The following NUBPL variants were observed in gnomAD, a reference collection of about 807,000 sequenced individuals.
The protein encoded by NUBPL is iron-sulfur cluster transfer protein NUBPL.
A neutral mutation model predicts 45.7 loss-of-function variants in NUBPL; 31 were observed. That is an observed-to-expected ratio of 0.68 (90% CI 0.51 to 0.92). The LOEUF (loss-of-function observed/expected upper bound fraction) is 0.92. Ranked by LOEUF, NUBPL falls within the 40% of genes least tolerant of loss-of-function variation. The pLI is 0.00. For missense variants in NUBPL, 401 were observed against 398.7 expected, an observed-to-expected ratio of 1.01 and a Z score of -0.05; for synonymous variants, 144 against 140.9, an observed-to-expected ratio of 1.02 and a Z score of -0.15.
intron 4 of NUBPL, among the ~76,000 whole-genome samples, chr14:31,644,829 G>A (rs1043717904): frequency 6.6e-6 from 1 of 151,844 alleles, no homozygotes; most frequent in Non-Finnish European, 1.5e-5. Flanking sequence ...TTGGGTACTG[G>A]GTATTGGATG....
In NUBPL at chr14:31,672,964, C is replaced by T. The variant is rs181186440; in HGVS notation, c.383-391C>T. Among the ~76,000 whole-genome samples, 319 of 152,140 alleles carry T rather than the reference C, an allele frequency of 2.1e-3. 1 individual carries two copies. The highest frequency in any genetic ancestry group is 7.3e-3 in the African/African-American group (304 of 41,510). On this transcript the variant is annotated intron_variant, in intron 4 of 10. Coordinates refer to ENST00000281081, the MANE Select transcript of NUBPL (RefSeq NM_025152.3). ...CTTTGATCCTGGAAGGATGGACGGG[C>T]AAAGGGGAGATGTTAGTCAAGTAGT...
At chr14:31,633,288 T>C (rs2035393112) in intron 4 of NUBPL, among the ~76,000 whole-genome samples, 1 of 152,232 alleles carries the variant, frequency 6.6e-6, no homozygotes, top group African/African-American at 2.4e-5. Flanking sequence ...GCAGTGGTGC[T>C]GTTACCACAC....
At chr14:31,832,753 G>A (rs904956409) in intron 8 of NUBPL, among the ~76,000 whole-genome samples, 1 of 152,182 alleles carries the variant, frequency 6.6e-6, no homozygotes, top group African/African-American at 2.4e-5. Context: ...TGAAGAGCAT[G>A]AGCTGAGGAG....
At position 31,606,096 on chromosome 14, in the gene NUBPL, TTTC is replaced by T. The variant is rs768893055; in HGVS notation, c.382+6720_382+6722del. On this transcript the variant is annotated intron_variant, in intron 4 of 10. Transcript: ENST00000281081. ...TCCTTCATCTTCCTTTTTCTTTTCT[TTTC>T]TTTTTTTTTTTTTTTTGAGAGTATC... 2.3e-3 allele frequency among the ~76,000 whole-genome samples: 276 copies of T among 121,950 alleles called. 1 individual carries two copies. The highest frequency in any genetic ancestry group is 6.7e-3 in the African/African-American group (245 of 36,746). 80.0% of individuals were successfully genotyped at this position (121,950 alleles called of 152,430 possible). A position where few individuals can be genotyped will look rare whatever the true frequency, so the allele number is the denominator to read the frequency against.
intron 6 of NUBPL, among the ~76,000 whole-genome samples, chr14:31,732,435 T>A (rs1468321806): frequency 1.3e-5 from 2 of 152,040 alleles, no homozygotes; most frequent in Admixed American, 1.3e-4. Context: ...ATATTCTGAA[T>A]TTTAAAAAAT....
intron 4 of NUBPL, among the ~76,000 whole-genome samples, chr14:31,635,268 A>G (rs1430104029): frequency 3.3e-5 from 5 of 152,168 alleles, no homozygotes; most frequent in Non-Finnish European, 7.3e-5. Context: ...ATTTTTGTGT[A>G]AGGTGTAAGG....
chr14:31,817,629 C>A (rs2039943908), intron 7 of NUBPL, among the ~76,000 whole-genome samples: 1 of 148,698 alleles, frequency 6.7e-6, no homozygotes, highest in South Asian at 2.1e-4. Flanking sequence ...AGACAAGCAT[C>A]CAGGCCTGCC....
chr14:31,850,719 C>T (rs2139004555), intron 10 of NUBPL, among the ~76,000 whole-genome samples: 1 of 152,190 alleles, frequency 6.6e-6, no homozygotes, highest in African/African-American at 2.4e-5. Context: ...TTCCCATGCT[C>T]AAGCAATCTT....
At chr14:31,715,295 G>C (rs984312820) in intron 6 of NUBPL, among the ~76,000 whole-genome samples, 1 of 151,900 alleles carries the variant, frequency 6.6e-6, no homozygotes, top group African/African-American at 2.4e-5. Flanking sequence ...CCTTAACATG[G>C]GTATAATTAT....
intron 8 of NUBPL, among the ~76,000 whole-genome samples, chr14:31,827,592 G>GGCTAGCTAAC (rs2040126355): frequency 6.6e-6 from 1 of 152,090 alleles, no homozygotes; most frequent in African/African-American, 2.4e-5. Flanking sequence ...CTCTGTGGCT[G>GGCTAGCTAAC]GCTAGCTAGT....
chr14:31,666,553 G>T (rs996814909), intron 4 of NUBPL, among the ~76,000 whole-genome samples: 1 of 151,940 alleles, frequency 6.6e-6, no homozygotes, highest in African/African-American at 2.4e-5. Flanking sequence ...ATGAGCCACC[G>T]TGCCCGGCCA....
At chr14:31,629,071 G>A (rs1248952567) in intron 4 of NUBPL, among the ~76,000 whole-genome samples, 2 of 152,106 alleles carry the variant, frequency 1.3e-5, no homozygotes, top group Non-Finnish European at 2.9e-5. Context: ...TAATATCTTT[G>A]TAGAATTATA....
At chr14:31,764,304 C>G (rs1566549453) in intron 6 of NUBPL, among the ~76,000 whole-genome samples, 3 of 152,226 alleles carry the variant, frequency 2.0e-5, no homozygotes, top group Middle Eastern at 6.8e-3. Flanking sequence ...AGAGAGCAAA[C>G]TGAGATGATT....
intron 3 of NUBPL, among the ~76,000 whole-genome samples, chr14:31,586,190 T>A (rs565777132): frequency 3.2e-4 from 49 of 152,306 alleles, no homozygotes; most frequent in African/African-American, 1.1e-3. Flanking sequence ...ACACTATGTT[T>A]ATCCATGGTG....
At chr14:31,746,933 G>C (rs2038411217) in intron 6 of NUBPL, among the ~76,000 whole-genome samples, 1 of 151,628 alleles carries the variant, frequency 6.6e-6, no homozygotes, top group African/African-American at 2.4e-5. Flanking sequence ...AGCCAGATGT[G>C]GTGGCTTGTG....
At chr14:31,646,183 G>A (rs961437173) in intron 4 of NUBPL, among the ~76,000 whole-genome samples, 6 of 151,768 alleles carry the variant, frequency 4.0e-5, no homozygotes, top group Non-Finnish European at 8.8e-5. Context: ...TCCCTTCCCT[G>A]CCCTTCCCCC....
intron 3 of NUBPL, among the ~76,000 whole-genome samples, chr14:31,578,450 T>C (rs1215262529): frequency 6.6e-6 from 1 of 152,224 alleles, no homozygotes; most frequent in East Asian, 1.9e-4. Context: ...GAATGTGTGA[T>C]GGTTCACTTT....
intron 3 of NUBPL, among the ~76,000 whole-genome samples, chr14:31,568,215 T>G (rs2033489390): frequency 1.3e-5 from 2 of 152,160 alleles, no homozygotes; most frequent in African/African-American, 2.4e-5. Context: ...GTAGATAAAT[T>G]TGTAGGTGTG....
rs1366579114 is a variant in NUBPL, at chr14:31,562,079, C to G, written c.120C>G (p.Ala40=). The G allele has an allele frequency of 1.2e-6, 2 of 1,600,742 alleles. No homozygotes were observed. The highest frequency in any genetic ancestry group is 1.7e-6 in the Non-Finnish European group (2 of 1,172,984). The change falls in exon 2 of 11, where the codon GCC becomes GCG. Residue 40 remains alanine, a synonymous_variant. Coordinates refer to ENST00000281081, the MANE Select transcript of NUBPL (RefSeq NM_025152.3). ...ATTATTTTTTAAAGTTGTCTGGCGC[C>G]GGGAGTGAGACCCTAAAACAAAGAA... The part of the protein sequence containing the change: ...AMVCGRQLSG[A]GSETLKQRRT...
Sources: allele counts gnomAD v4.1 joint callset (sites outside exome capture counted in the v4.1 genomes callset), GRCh38; gene constraint gnomAD v4.1.1; transcripts MANE v1.5; gene names NCBI Gene and HGNC (gene_info 2026-07-23, HGNC 2026-07-21).